THSD7B: variants seen among roughly 807,000 people sequenced by gnomAD.
The protein encoded by THSD7B is thrombospondin type-1 domain-containing protein 7B.
A neutral mutation model predicts 213.6 loss-of-function variants in THSD7B; 138 were observed. The ratio of observed to expected loss-of-function variants is 0.65; its 90% CI spans 0.56 to 0.74. The LOEUF is 0.74. Ranked by LOEUF, THSD7B falls within the 30% of genes least tolerant of loss-of-function variation. The pLI, the probability that THSD7B is intolerant of heterozygous loss-of-function variation, is 0.00. For missense variants in THSD7B, 1,931 were observed against 1,991.5 expected (o/e 0.97, Z 0.58); for synonymous variants, 742 against 687.0 (o/e 1.08, Z -1.25).
chr2:136,847,915 C>T (rs1683036818), intron 1 of THSD7B, among the ~76,000 whole-genome samples: 1 of 152,110 alleles, frequency 6.6e-6, no homozygotes, highest in African/African-American at 2.4e-5. Context: ...TTATTCCTCC[C>T]TTCTTATGAG....
At chr2:136,983,751 G>T (rs1009358189) in intron 2 of THSD7B, among the ~76,000 whole-genome samples, 5 of 152,166 alleles carry the variant, frequency 3.3e-5, no homozygotes, top group Admixed American at 6.5e-5. Flanking sequence ...AATGTGCCAC[G>T]TTGGAGTGAA....
At chr2:137,277,547 T>C (rs895302005) in intron 12 of THSD7B, among the ~76,000 whole-genome samples, 1 of 152,068 alleles carries the variant, frequency 6.6e-6, no homozygotes, top group Admixed American at 6.6e-5. Context: ...TAAGACTAAA[T>C]ACATCTCCAA....
At chr2:137,481,780 T>C (rs1457754310) in intron 15 of THSD7B, among the ~76,000 whole-genome samples, 2 of 152,300 alleles carry the variant, frequency 1.3e-5, no homozygotes, top group East Asian at 3.9e-4. Flanking sequence ...AAAAATATAA[T>C]AGCAGACCCT....
chr2:137,027,492 A>T (rs1686577180), intron 2 of THSD7B, among the ~76,000 whole-genome samples: 1 of 152,228 alleles, frequency 6.6e-6, no homozygotes, highest in African/African-American at 2.4e-5. Context: ...TCTGTTGGCA[A>T]AAGTTGTCAC....
intron 14 of THSD7B, among the ~76,000 whole-genome samples, chr2:137,446,300 T>G (rs1687537563): frequency 6.6e-6 from 1 of 152,052 alleles, no homozygotes; most frequent in South Asian, 2.1e-4. Context: ...GGAGAGGTTG[T>G]ATTAATGAGT....
At chr2:137,252,141 C>T (rs78790872) in intron 10 of THSD7B, among the ~76,000 whole-genome samples, 15,489 of 151,678 alleles carry the variant, frequency 0.1, 1,299 homozygotes, top group East Asian at 0.43. Flanking sequence ...GTAGCACATG[C>T]CTGTAATCCC....
In THSD7B at chr2:136,878,332, G is replaced by A. The variant is rs1160438693; in HGVS notation, c.-35-3812G>A. Among the ~76,000 whole-genome samples, 4 of 152,180 alleles carry A rather than the reference G, an allele frequency of 2.6e-5. No homozygotes were observed. The East Asian group carries it at 7.7e-4, about 29-fold the overall frequency. ...CAGGCTATCATTGATGGACATTTGG[G>A]TTGGTTCCAAGTCTTTGCTATTGTA... On this transcript the variant is annotated intron_variant, in intron 1 of 27. Coordinates refer to ENST00000409968, the MANE Select transcript of THSD7B (RefSeq NM_001316349.2).
intron 9 of THSD7B, among the ~76,000 whole-genome samples, chr2:137,234,826 AT>A (rs151199951): frequency 0.061 from 9,238 of 152,238 alleles, 733 homozygotes; most frequent in African/African-American, 0.18. Flanking sequence ...CCCATGATAA[AT>A]TTTGTTAAAG....
intron 2 of THSD7B, among the ~76,000 whole-genome samples, chr2:137,035,201 A>G (rs1686753330): frequency 6.6e-6 from 1 of 152,114 alleles, no homozygotes; most frequent in South Asian, 2.1e-4. Flanking sequence ...CATCTTTGTT[A>G]TCTTTGCTGT....
At chr2:137,625,912 T>G (rs900760656) in intron 20 of THSD7B, among the ~76,000 whole-genome samples, 1 of 152,216 alleles carries the variant, frequency 6.6e-6, no homozygotes, top group African/African-American at 2.4e-5. Flanking sequence ...ATACCTTCAT[T>G]GTTCTCCCAT....
intron 3 of THSD7B, among the ~76,000 whole-genome samples, chr2:137,093,761 T>C (rs1835805): frequency 6.6e-6 from 1 of 150,984 alleles, no homozygotes; most frequent in Non-Finnish European, 1.5e-5. Flanking sequence ...TCTTTTTTTT[T>C]AATTTTATTA....
intron 1 of THSD7B, among the ~76,000 whole-genome samples, chr2:136,784,935 T>C (rs1007980199): frequency 1.1e-4 from 16 of 152,238 alleles, no homozygotes; most frequent in African/African-American, 3.9e-4. Flanking sequence ...CATAATGCCA[T>C]TCAGCCTAAT....
rs1357925052 is a variant in THSD7B at position 137,676,848 on chromosome 2, G to GA, written c.*247dup. On this transcript the variant is annotated 3_prime_UTR_variant, in exon 28 of 28. Coordinates refer to ENST00000409968, the MANE Select transcript of THSD7B (RefSeq NM_001316349.2). ...TTTTTTTGGTTTTCCCAAGGGACCT[G>GA]AAAACCCTTCTCTTCCTGTTTGGAA... The GA allele has an allele frequency of 1.8e-5, 6 of 337,906 alleles. No homozygotes were observed. Among genetic ancestry groups the GA allele is most frequent in the Middle Eastern group, 7.5e-4 (1 of 1,330 alleles). 20.9% of individuals were successfully genotyped at this position (337,906 alleles called of 1,614,324 possible).
At chr2:137,477,169 T>C (rs1049935050) in intron 15 of THSD7B, among the ~76,000 whole-genome samples, 78 of 152,338 alleles carry the variant, frequency 5.1e-4, no homozygotes, top group African/African-American at 1.8e-3. Context: ...ATCTAATATT[T>C]GCTTTATAAA....
chr2:137,585,857 G>A (rs1253729509), intron 17 of THSD7B, among the ~76,000 whole-genome samples: 6 of 152,200 alleles, frequency 3.9e-5, no homozygotes, highest in East Asian at 1.9e-4. Context: ...TATTAGGTCC[G>A]CTTGGTGCAG....
At chr2:137,635,751 C>T (rs930323759) in intron 20 of THSD7B, among the ~76,000 whole-genome samples, 12 of 151,346 alleles carry the variant, frequency 7.9e-5, no homozygotes, top group African/African-American at 2.2e-4. Flanking sequence ...GAGTCACAGG[C>T]TACAGTGCAG....
intron 15 of THSD7B, among the ~76,000 whole-genome samples, chr2:137,471,704 G>A (rs1380837140): frequency 6.6e-6 from 1 of 152,066 alleles, no homozygotes; most frequent in Non-Finnish European, 1.5e-5. Context: ...CCATTTTGGG[G>A]AGAACTTTGG....
chr2:137,238,973 T>G (rs1201609954), intron 9 of THSD7B, among the ~76,000 whole-genome samples: 1 of 152,202 alleles, frequency 6.6e-6, no homozygotes, highest in East Asian at 1.9e-4. Flanking sequence ...AAGAATGAAT[T>G]AGCAATTTTT....
chr2:137,551,694 T>A (rs1680851450), intron 15 of THSD7B, among the ~76,000 whole-genome samples: 1 of 152,156 alleles, frequency 6.6e-6, no homozygotes, highest in African/African-American at 2.4e-5. Context: ...GTTCTTAATA[T>A]CAAAATTGAG....
Sources: gnomAD v4.1 joint callset for allele counts (sites outside exome capture counted in the v4.1 genomes callset) on GRCh38, gnomAD v4.1.1 for gene constraint, MANE v1.5 for transcripts, NCBI Gene and HGNC (gene_info 2026-07-23, HGNC 2026-07-21) for gene names.